ZNF33A: variants seen among roughly 807,000 people sequenced by gnomAD.
ZNF33A encodes the protein brain my041 protein.
ZNF33A carries 9 observed loss-of-function variants against 15.9 expected under a neutral mutation model. The observed-to-expected ratio is 0.57, with a 90% CI of 0.34 to 0.99. The LOEUF (loss-of-function observed/expected upper bound fraction) is 0.99. Ranked by LOEUF, ZNF33A falls within the 50% of genes least tolerant of loss-of-function variation. The pLI, the probability that ZNF33A is intolerant of heterozygous loss-of-function variation, is 0.02. For synonymous variants in ZNF33A, 294 were observed against 324.2 expected (o/e 0.91, Z 1.00); for missense variants, 843 against 941.6 (o/e 0.90, Z 1.37).
At chr10:38,022,138 G>A (rs2064773272) in intron 4 of ZNF33A, among the ~76,000 whole-genome samples, 4 of 152,090 alleles carry the variant, frequency 2.6e-5, no homozygotes, top group Admixed American at 2.6e-4. Context: ...AACACTGGAA[G>A]CAGAAATCAG....
rs1332962712 is a variant in ZNF33A at position 38,057,142 on chromosome 10, G to C, written c.*582G>C. On this transcript the variant is annotated 3_prime_UTR_variant, in exon 5 of 5. Coordinates refer to ENST00000432900, the MANE Select transcript of ZNF33A (RefSeq NM_006954.2). ...TGTGTGTGTACGTGTATGTGTGTGT[G>C]TGTGGTTATATCAAACTTTTACGAC... is the stretch of plus-strand genomic sequence containing the variant. The C allele has an allele frequency of 1.2e-6, 1 of 823,356 alleles. No homozygotes were observed. The highest frequency in any genetic ancestry group is 1.5e-6 in the Non-Finnish European group (1 of 681,480). 51.0% of individuals were successfully genotyped at this position (823,356 alleles called of 1,614,324 possible). A position where few individuals can be genotyped will look rare whatever the true frequency, so the allele number is the denominator to read the frequency against.
chr10:38,028,543 C>T (rs946590364), intron 4 of ZNF33A, among the ~76,000 whole-genome samples: 1 of 151,944 alleles, frequency 6.6e-6, no homozygotes, highest in African/African-American at 2.4e-5. Flanking sequence ...TCTTGGCTCA[C>T]TGCAACCTCC....
chr10:38,047,624 CAAAAAAAAAAAAAAAAAAAAAAAAAAA>C (rs554054575), intron 4 of ZNF33A, among the ~76,000 whole-genome samples: 3 of 75,010 alleles, frequency 4.0e-5, no homozygotes, highest in Non-Finnish European at 5.1e-5. Context: ...GACTCTGTCT[CAAAAAAAAAAAAAAAAAAAAAAAAAAA>C]AAAAAAAAAA....
rs116185312 is a variant in ZNF33A at position 38,050,461 on chromosome 10, G to A, written c.251-3914G>A. Among the ~76,000 whole-genome samples, 410 of 152,328 alleles carry A rather than the reference G, an allele frequency of 2.7e-3. 2 individuals carry two copies. The highest frequency in any genetic ancestry group is 9.2e-3 in the African/African-American group (383 of 41,590). On this transcript the variant is annotated intron_variant, in intron 4 of 4. Coordinates refer to ENST00000432900, the MANE Select transcript of ZNF33A (RefSeq NM_006954.2). ...CCTGTACTTGGCTTAATGCCCTGTT[G>A]TTGCCATCTTGAAGTTCTTCACAGT...
intron 4 of ZNF33A, among the ~76,000 whole-genome samples, chr10:38,018,652 C>A (rs1293074653): frequency 6.6e-6 from 1 of 152,096 alleles, no homozygotes; most frequent in Non-Finnish European, 1.5e-5. Flanking sequence ...GGTAGTTTTC[C>A]TTATGAGTGA....
chr10:38,034,427 T>G (rs1195623649), intron 4 of ZNF33A, among the ~76,000 whole-genome samples: 4 of 152,186 alleles, frequency 2.6e-5, no homozygotes, highest in Non-Finnish European at 5.9e-5. Flanking sequence ...TTTATTGGGA[T>G]GTGTCTGATG....
At position 38,052,159 on chromosome 10, in the gene ZNF33A, G is replaced by A. The variant is rs1332810097; in HGVS notation, c.251-2216G>A. On this transcript the variant is annotated intron_variant, in intron 4 of 4. Coordinates refer to ENST00000432900, the MANE Select transcript of ZNF33A (RefSeq NM_006954.2). The stretch of plus-strand genomic sequence containing the variant: ...AAAGAAAGGAGATTAGAATAGAAAA[G>A]AAGTAGAAATGTCTTTATTCACAAA... Among the ~76,000 whole-genome samples, 4 of 152,060 alleles carry A rather than the reference G, an allele frequency of 2.6e-5. No individual in the cohort carries two copies. The East Asian group carries it at 7.7e-4, about 29-fold the overall frequency.
rs774410859 is a variant in ZNF33A at position 38,056,318 on chromosome 10, C to T, written c.2194C>T (p.Arg732Cys). 4.3e-5 allele frequency: 69 copies of T among 1,613,972 alleles called. No individual in the cohort carries two copies. Among genetic ancestry groups the T allele is most frequent in the East Asian group, 6.7e-5 (3 of 44,846 alleles). ...TAATGAATGTGGAAAAATCTTTTAC[C>T]GTAAATCGGAACTTGCTCAACATCA... ...QCNECGKIFY[R>C]KSELAQHQRS... is the part of the protein sequence containing the mutation. Residue 732 changes from arginine to cysteine, a missense_variant, in exon 5 of 5, where the codon CGT (arginine) becomes TGT (cysteine). Physicochemically the swap from Arg to Cys is radical, Grantham distance 180. Transcript: ENST00000432900.
intron 4 of ZNF33A, among the ~76,000 whole-genome samples, chr10:38,028,458 T>C (rs2065073169): frequency 1.3e-5 from 2 of 151,640 alleles, no homozygotes; most frequent in Non-Finnish European, 2.9e-5. Context: ...CTGTCTTCTT[T>C]GTGTTTTGTT....
intron 4 of ZNF33A, among the ~76,000 whole-genome samples, chr10:38,053,854 T>C (rs2066327159): frequency 1.3e-5 from 2 of 152,212 alleles, no homozygotes; most frequent in Admixed American, 1.3e-4. Flanking sequence ...CTCTCTGGGC[T>C]GTGTGTCTCC....
intron 4 of ZNF33A, among the ~76,000 whole-genome samples, chr10:38,053,441 C>T (rs2066304326): frequency 6.6e-6 from 1 of 152,100 alleles, no homozygotes; most frequent in African/African-American, 2.4e-5. Flanking sequence ...GACACCAATG[C>T]CATTGTATTT....
chr10:38,059,167 A>G lies in ZNF33A; in HGVS notation c.*2607A>G, dbSNP rs1235470389. On this transcript the variant is annotated 3_prime_UTR_variant, in exon 5 of 5. Transcript: ENST00000432900. ...ATTTGACAAAATCCAATATCCATTCATGTTAAAACCTCTCAACACAGAAGG... is the reference window on the plus strand; with the variant it reads ...ATTTGACAAAATCCAATATCCATTCGTGTTAAAACCTCTCAACACAGAAGG... The G allele has an allele frequency of 2.0e-5, 3 of 152,234 alleles. No homozygotes were observed. The highest frequency in any genetic ancestry group is 4.8e-5 in the African/African-American group (2 of 41,462). The allele number at this position is 152,234 out of a possible 1,614,324, so 9.4% of individuals were successfully genotyped here. A position where few individuals can be genotyped will look rare whatever the true frequency, so the allele number is the denominator to read the frequency against.
chr10:38,043,723 C>T (rs1283571902), intron 4 of ZNF33A: 1 of 152,066 alleles, frequency 6.6e-6, no homozygotes, highest in Non-Finnish European at 1.5e-5. Context: ...CATCCTGCCT[C>T]CTTCTGGCCT....
chr10:38,022,175 G>C (rs2064774736), intron 4 of ZNF33A, among the ~76,000 whole-genome samples: 1 of 151,956 alleles, frequency 6.6e-6, no homozygotes, highest in Non-Finnish European at 1.5e-5. Flanking sequence ...AAAAAGTAGA[G>C]AAAACTAATG....
chr10:38,015,475 C>T (rs1417330338), intron 2 of ZNF33A, among the ~76,000 whole-genome samples: 3 of 151,958 alleles, frequency 2.0e-5, no homozygotes, highest in Admixed American at 6.6e-5. Context: ...CCCGCCAACA[C>T]GCCTGGCTAA....
chr10:38,064,142 G>A (rs1370708144), downstream of ZNF33A: 1 of 1,592,138 alleles, frequency 6.3e-7, no homozygotes, highest in Non-Finnish European at 8.5e-7. Flanking sequence ...GGAAGAAGAG[G>A]ACTCTGCACT....
intron 4 of ZNF33A, among the ~76,000 whole-genome samples, chr10:38,052,894 G>T (rs1057014522): frequency 1.3e-5 from 2 of 151,646 alleles, no homozygotes; most frequent in African/African-American, 4.8e-5. Flanking sequence ...TTTATTTTTG[G>T]ACAGTTTTCT....
At chr10:38,060,196 C>T (rs1202574007), downstream of ZNF33A, 1 of 722,892 alleles carries the variant, frequency 1.4e-6, no homozygotes, top group Admixed American at 6.3e-5. Context: ...GTAACTGTGA[C>T]CTGAAATTAA....
intron 4 of ZNF33A, among the ~76,000 whole-genome samples, chr10:38,044,916 C>T (rs1049148728): frequency 1.3e-5 from 2 of 152,144 alleles, no homozygotes; most frequent in African/African-American, 4.8e-5. Context: ...GACCCACCTG[C>T]CTCGACCTCC....
Sources: gnomAD v4.1 joint callset for allele counts (sites outside exome capture counted in the v4.1 genomes callset) on GRCh38, gnomAD v4.1.1 for gene constraint, MANE v1.5 for transcripts, NCBI Gene and HGNC (gene_info 2026-07-23, HGNC 2026-07-21) for gene names.